GABRA4: variants seen among roughly 807,000 people sequenced by gnomAD.
GABRA4 encodes gamma-aminobutyric acid receptor subunit alpha-4.
Under a neutral mutation model 49.7 loss-of-function variants are expected in GABRA4, and 12 were observed. That is an observed-to-expected ratio of 0.24 (90% CI 0.15 to 0.39). The LOEUF (loss-of-function observed/expected upper bound fraction) is 0.39. GABRA4 is among the 10% of genes least tolerant of loss of function. The pLI is 1.00. For synonymous variants in GABRA4, 288 were observed against 240.2 expected, an observed-to-expected ratio of 1.20 and a Z score of -1.84; for missense variants, 506 against 686.0, an observed-to-expected ratio of 0.74 and a Z score of 2.93.
At chr4:46,965,274 T>G (rs1187111446) in intron 7 of GABRA4, 45 bp from the exon 8 acceptor site, 2 of 1,364,576 alleles carry the variant, frequency 1.5e-6, no homozygotes, top group Admixed American at 5.7e-5. Flanking sequence ...TACCATCATT[T>G]GTATTAAAAA....
intron 8 of GABRA4, among the ~76,000 whole-genome samples, chr4:46,944,757 C>T (rs941872868): frequency 3.3e-5 from 5 of 152,208 alleles, no homozygotes; most frequent in Admixed American, 3.3e-4. Flanking sequence ...TCAAATCTTA[C>T]ACCATATAAA....
At chr4:46,974,081 A>C (rs1723050912) in intron 6 of GABRA4, 151 bp downstream of exon 6, 1 of 521,710 alleles carries the variant, frequency 1.9e-6, no homozygotes, top group African/African-American at 2.0e-5. Flanking sequence ...AAATATAAAG[A>C]AATTATGAGC....
chr4:46,967,792 G>A (rs1722815505), intron 7 of GABRA4, among the ~76,000 whole-genome samples: 1 of 151,586 alleles, frequency 6.6e-6, no homozygotes, highest in African/African-American at 2.4e-5. Flanking sequence ...GCACCATATT[G>A]GCTGGCCCAG....
chr4:46,984,852 G>A (rs1271295682), intron 2 of GABRA4, among the ~76,000 whole-genome samples: 1 of 151,968 alleles, frequency 6.6e-6, no homozygotes, highest in East Asian at 1.9e-4. Flanking sequence ...AGTTGATTTT[G>A]TAAACTCATC....
At chr4:46,961,386 A>G (rs1722567756) in intron 8 of GABRA4, among the ~76,000 whole-genome samples, 1 of 151,716 alleles carries the variant, frequency 6.6e-6, no homozygotes, top group Non-Finnish European at 1.5e-5. Context: ...GTGCTTTACT[A>G]TTATCATAGC....
At chr4:46,964,921 T>A (rs1722698529) in intron 8 of GABRA4, 49 bp downstream of exon 8, 2 of 1,495,978 alleles carry the variant, frequency 1.3e-6, no homozygotes, top group Non-Finnish European at 1.8e-6. Flanking sequence ...CAAAATAAAT[T>A]TGACCAAGAA....
In GABRA4 at chr4:46,928,351, A is replaced by T; in HGVS notation, c.1539T>A (p.Ser513=). The T allele has an allele frequency of 6.2e-7, 1 of 1,613,664 alleles. No individual in the cohort carries two copies. Among genetic ancestry groups the T allele is most frequent in the Non-Finnish European group, 8.5e-7 (1 of 1,179,672 alleles). The change falls in exon 9 of 9, where the codon TCT becomes TCA. Residue 513 remains serine, a synonymous_variant. Coordinates refer to ENST00000264318, the MANE Select transcript of GABRA4 (RefSeq NM_000809.4). ...CATATTTGTCTATTTTACTTGTGCC[A>T]GATCCAGAAGGTGGTGGAGCCGATG... ...PPPSAPPPSG[S]GTSKIDKYAR...
At chr4:46,929,425 C>T (rs1043747164) in intron 8 of GABRA4, among the ~76,000 whole-genome samples, 1 of 151,886 alleles carries the variant, frequency 6.6e-6, no homozygotes, top group African/African-American at 2.4e-5. Context: ...TTGTATTAGA[C>T]TTATAAACAG....
chr4:46,927,418 C>T lies in GABRA4; in HGVS notation c.*807G>A, dbSNP rs1721267320. 6.6e-6 allele frequency: 1 copy of T among 152,490 alleles called. No homozygotes were observed. The highest frequency in any genetic ancestry group is 6.6e-5 in the Admixed American group (1 of 15,222). The allele number at this position is 152,490 out of a possible 1,614,324, so 9.4% of individuals were successfully genotyped here. ...TTTATGGTTCTTTGGCATGCATTGACTGTTCTACTTTTTAAGTAATATTGT... is the reference window on the plus strand; with the variant it reads ...TTTATGGTTCTTTGGCATGCATTGATTGTTCTACTTTTTAAGTAATATTGT... On this transcript the variant is annotated 3_prime_UTR_variant, in exon 9 of 9. Transcript: ENST00000264318.
chr4:46,983,956 A>G (rs1465763008), intron 2 of GABRA4, among the ~76,000 whole-genome samples: 1 of 152,092 alleles, frequency 6.6e-6, no homozygotes, highest in African/African-American at 2.4e-5. Flanking sequence ...AAGACCAGCA[A>G]GATCAAATTC....
intron 2 of GABRA4, among the ~76,000 whole-genome samples, chr4:46,985,589 A>G (rs1723505079): frequency 6.6e-6 from 1 of 152,026 alleles, no homozygotes; most frequent in Non-Finnish European, 1.5e-5. Context: ...TGATATATAC[A>G]AATGCAATCA....
At chr4:46,992,656 G>C (rs200789761) in intron 2 of GABRA4, 172 bp downstream of exon 2, 2 of 611,288 alleles carry the variant, frequency 3.3e-6, no homozygotes, top group Non-Finnish European at 3.0e-6. Flanking sequence ...GGGAAAGTAC[G>C]GGTGGAGGCG....
Position 46,992,884 on chromosome 4 carries a change from C to A in GABRA4, c.149G>T (p.Arg50Leu), listed in dbSNP as rs138764484. The change falls in exon 2 of 9, where the codon CGC (arginine) becomes CTC (leucine). Residue 50 changes from arginine (R) to leucine (L), a missense_variant. Physicochemically the swap from Arg to Leu is moderately radical, Grantham distance 102 (BLOSUM62 -2). Around this residue, in one of 5 missense-constraint regions of GABRA4, gnomAD observed 195 missense variants for 326.0 expected, o/e 0.60. Coordinates refer to ENST00000264318, the MANE Select transcript of GABRA4 (RefSeq NM_000809.4). Reference protein sequence around the residue: ...EEKLCTENFTRILDSLLDGYD... With the variant: ...EEKLCTENFTLILDSLLDGYD... ...ACCATCGAGCAAACTGTCCAGGATG[C>A]GGGTGAAATTTTCTGTGCACAATTT... 4 of 1,610,304 alleles carry A rather than the reference C, an allele frequency of 2.5e-6. No homozygotes were observed. The highest frequency in any genetic ancestry group is 1.4e-5 in the African/African-American group (1 of 74,060).
At chr4:46,963,010 G>A (rs1158943487) in intron 8 of GABRA4, among the ~76,000 whole-genome samples, 2 of 151,734 alleles carry the variant, frequency 1.3e-5, no homozygotes, top group African/African-American at 4.8e-5. Flanking sequence ...AAAACATTGA[G>A]GGAAATCTCT....
Position 46,992,916 on chromosome 4 carries a change from C to T in GABRA4, c.117G>A (p.Lys39=). 1 of 1,607,832 alleles carries T rather than the reference C, an allele frequency of 6.2e-7. No homozygotes were observed. The highest frequency in any genetic ancestry group is 8.5e-7 in the Non-Finnish European group (1 of 1,176,938). The change falls in exon 2 of 9, where the codon AAG becomes AAA. Residue 39 remains lysine (K), a synonymous_variant. Transcript: ENST00000264318. ...AATTTTCTGTGCACAATTTCTCCTC[C>T]TTTTGGTTCTGTCCTGGGGATTCGT... ...CLNESPGQNQ[K]EEKLCTENFT... is the part of the protein sequence containing the mutation.
At chr4:46,950,444 G>A (rs904990486) in intron 8 of GABRA4, among the ~76,000 whole-genome samples, 1 of 151,964 alleles carries the variant, frequency 6.6e-6, no homozygotes, top group Non-Finnish European at 1.5e-5. Flanking sequence ...CTCTTTTGCT[G>A]TTAAAAAGAA....
intron 8 of GABRA4, among the ~76,000 whole-genome samples, chr4:46,964,630 A>G (rs955999982): frequency 2.6e-5 from 4 of 151,118 alleles, no homozygotes; most frequent in Non-Finnish European, 5.9e-5. Context: ...AATGAACTCT[A>G]TTAAAATGTT....
rs1721124045 is a variant in GABRA4, at chr4:46,923,973, A to T, written c.*4252T>A. The T allele has an allele frequency of 6.6e-6, 1 of 152,106 alleles. No individual in the cohort carries two copies. The highest frequency in any genetic ancestry group is 1.5e-5 in the Non-Finnish European group (1 of 68,012). The allele number at this position is 152,106 out of a possible 1,614,324, so 9.4% of individuals were successfully genotyped here. A position where few individuals can be genotyped will look rare whatever the true frequency, so the allele number is the denominator to read the frequency against. ...ATCTCTTCTCCTGCCTCAGGTGCTG[A>T]TAAAATTGCGCTTTCATTTTTTTGT... On this transcript the variant is annotated 3_prime_UTR_variant, in exon 9 of 9. Transcript: ENST00000264318.
At chr4:46,950,896 T>C (rs535166586) in intron 8 of GABRA4, among the ~76,000 whole-genome samples, 24 of 152,114 alleles carry the variant, frequency 1.6e-4, no homozygotes, top group African/African-American at 5.8e-4. Flanking sequence ...TATCTGATTA[T>C]TATTAGAGCA....
Sources: allele counts gnomAD v4.1 joint callset (sites outside exome capture counted in the v4.1 genomes callset), GRCh38; gene constraint gnomAD v4.1.1; regional missense constraint gnomAD v4.1.1; transcripts MANE v1.5; gene names NCBI Gene and HGNC (gene_info 2026-07-23, HGNC 2026-07-21).